The following CSRNP3 variants were observed in gnomAD, a reference collection of about 807,000 sequenced individuals.
CSRNP3 encodes the protein cysteine/serine-rich nuclear protein 3.
CSRNP3 carries 12 observed loss-of-function variants against 48.0 expected under a neutral mutation model. The observed-to-expected ratio is 0.25, with a 90% CI of 0.16 to 0.41. The LOEUF is 0.41. Among genes scored for constraint, CSRNP3 ranks in the 10% least tolerant of loss-of-function variants. The probability of loss-of-function intolerance (pLI) is 1.00; values close to 1 mark genes in which losing one functional copy is unlikely to be tolerated. For missense variants in CSRNP3, 580 were observed against 724.4 expected (o/e 0.80, Z 2.29); for synonymous variants, 263 against 269.7 (o/e 0.98, Z 0.24).
At chr2:165,556,795 T>C (rs1389506063) in intron 3 of CSRNP3, among the ~76,000 whole-genome samples, 1 of 152,138 alleles carries the variant, frequency 6.6e-6, no homozygotes, top group Non-Finnish European at 1.5e-5. Context: ...TGGAACAATA[T>C]CAATATAGCA....
intron 2 of CSRNP3, among the ~76,000 whole-genome samples, chr2:165,506,385 G>T (rs894857247): frequency 1.3e-5 from 2 of 152,076 alleles, no homozygotes; most frequent in Admixed American, 6.6e-5. Context: ...AAAACGGAGG[G>T]CAGGGGTAAG....
At chr2:165,481,743 A>T (rs1361795671) in intron 1 of CSRNP3, among the ~76,000 whole-genome samples, 1 of 152,136 alleles carries the variant, frequency 6.6e-6, no homozygotes, top group South Asian at 2.1e-4. Context: ...GGTAGGGAGT[A>T]TGGAAATTAG....
intron 5 of CSRNP3, among the ~76,000 whole-genome samples, chr2:165,672,685 A>G (rs1687350977): frequency 6.6e-6 from 1 of 152,164 alleles, no homozygotes; most frequent in African/African-American, 2.4e-5. Context: ...ATTTATTCAC[A>G]CTAGCTCTTG....
intron 4 of CSRNP3, among the ~76,000 whole-genome samples, chr2:165,655,970 C>T (rs949806626): frequency 6.6e-6 from 1 of 152,142 alleles, no homozygotes; most frequent in African/African-American, 2.4e-5. Context: ...CCGAGGTACT[C>T]GGGATTAGGA....
At chr2:165,634,219 A>G (rs188776757) in intron 4 of CSRNP3, among the ~76,000 whole-genome samples, 18 of 152,180 alleles carry the variant, frequency 1.2e-4, no homozygotes, top group African/African-American at 3.9e-4. Context: ...GTGTGCCTGT[A>G]ATCCCAGGTA....
chr2:165,492,338 A>G (rs993961369), intron 1 of CSRNP3, among the ~76,000 whole-genome samples: 4 of 152,140 alleles, frequency 2.6e-5, no homozygotes, highest in African/African-American at 9.7e-5. Context: ...CTTTCATCTC[A>G]CTTAGAGAAA....
At chr2:165,674,665 TATATAAATACTTCTGA>T (rs1199191581) in intron 5 of CSRNP3, among the ~76,000 whole-genome samples, 1 of 136,574 alleles carries the variant, frequency 7.3e-6, no homozygotes, top group African/African-American at 2.8e-5. Flanking sequence ...TATTCATATA[TATATAAATACTTCTGA>T]ATATATATAT....
chr2:165,659,206 A>C (rs1185597876), intron 5 of CSRNP3, among the ~76,000 whole-genome samples: 1 of 151,640 alleles, frequency 6.6e-6, no homozygotes, highest in South Asian at 2.1e-4. Context: ...TAGACCAGTT[A>C]GAAAGCTGTT....
Position 165,596,172 on chromosome 2 carries a change from A to G in CSRNP3, c.148+959A>G, listed in dbSNP as rs570205675. Among the ~76,000 whole-genome samples, 243 of 143,930 alleles carry G rather than the reference A, an allele frequency of 1.7e-3. 2 individuals carry two copies. The highest frequency in any genetic ancestry group is 5.9e-3 in the African/African-American group (228 of 38,332). The allele number at this position is 143,930 out of a possible 152,430, so 94.4% of individuals were successfully genotyped here. On this transcript the variant is annotated intron_variant, in intron 4 of 6. Transcript: ENST00000651982. The stretch of plus-strand genomic sequence containing the variant: ...TTTTTTTTTGCCACATTGTAATGTC[A>G]GCCCTTCTGTCAGACAAGATAAAGG...
At chr2:165,645,663 A>G (rs1686799265) in intron 4 of CSRNP3, among the ~76,000 whole-genome samples, 1 of 152,180 alleles carries the variant, frequency 6.6e-6, no homozygotes, top group African/African-American at 2.4e-5. Context: ...GAGGGTACAC[A>G]AATAAACCCA....
chr2:165,658,801 G>A (rs1684297651), intron 5 of CSRNP3, among the ~76,000 whole-genome samples: 2 of 152,092 alleles, frequency 1.3e-5, no homozygotes, highest in African/African-American at 2.4e-5. Context: ...CCATGAGAAC[G>A]CTATGGGGGA....
At position 165,651,936 on chromosome 2, in the gene CSRNP3, G is replaced by A. The variant is rs532268779; in HGVS notation, c.149-5825G>A. The stretch of plus-strand genomic sequence containing the variant: ...CTCTCAAAGTGCTGGGATTACAGGC[G>A]TGAGCCACTGCACCCGGCCTGAAAG... On this transcript the variant is annotated intron_variant, in intron 4 of 6. Coordinates refer to ENST00000651982, the MANE Select transcript of CSRNP3 (RefSeq NM_001172173.2). Among the ~76,000 whole-genome samples, 40 of 152,230 alleles carry A rather than the reference G, an allele frequency of 2.6e-4. 1 individual carries two copies. The South Asian group carries it at 4.2e-3, about 16-fold the overall frequency.
At chr2:165,631,800 A>G (rs1008015529) in intron 4 of CSRNP3, among the ~76,000 whole-genome samples, 1 of 152,236 alleles carries the variant, frequency 6.6e-6, no homozygotes, top group Non-Finnish European at 1.5e-5. Context: ...TTGGAAAACA[A>G]CTACTCTCAC....
At chr2:165,531,785 A>G (rs1415675144) in intron 3 of CSRNP3, among the ~76,000 whole-genome samples, 3 of 152,152 alleles carry the variant, frequency 2.0e-5, no homozygotes, top group African/African-American at 7.2e-5. Context: ...TTTTTTGAAA[A>G]GATCAACAAA....
chr2:165,663,835 C>A (rs1265178110), intron 5 of CSRNP3, among the ~76,000 whole-genome samples: 1 of 151,990 alleles, frequency 6.6e-6, no homozygotes, highest in Admixed American at 6.6e-5. Flanking sequence ...GCAAACATGA[C>A]AAATTAGATT....
At chr2:165,491,950 T>TAATAA (rs1553470304) in intron 1 of CSRNP3, among the ~76,000 whole-genome samples, 8 of 104,598 alleles carry the variant, frequency 7.6e-5, no homozygotes, top group Non-Finnish European at 1.2e-4. Context: ...TAAAGTATAA[T>TAATAA]AAAAAAAAAA....
intron 3 of CSRNP3, among the ~76,000 whole-genome samples, chr2:165,568,470 A>G (rs1023351040): frequency 1.3e-5 from 2 of 152,082 alleles, no homozygotes; most frequent in African/African-American, 4.8e-5. Flanking sequence ...CTTTTCCCAA[A>G]GTACCACTTA....
intron 4 of CSRNP3, among the ~76,000 whole-genome samples, chr2:165,600,870 A>G (rs1042500406): frequency 3.9e-5 from 6 of 152,196 alleles, no homozygotes; most frequent in Non-Finnish European, 7.3e-5. Flanking sequence ...GTAACATAAC[A>G]TTTTGTTGTC....
chr2:165,527,753 A>G lies in CSRNP3; in HGVS notation c.-24+9792A>G, dbSNP rs556271873. 2.0e-5 allele frequency among the ~76,000 whole-genome samples: 3 copies of G among 152,312 alleles called. No homozygotes were observed. The South Asian group carries it at 6.2e-4, about 32-fold the overall frequency. Reference sequence around the variant, plus strand: ...ATGGACAATCATAAACAACATAAAGAGATAAATGGCCAACTACTTAAAGTA... The same window carrying G: ...ATGGACAATCATAAACAACATAAAGGGATAAATGGCCAACTACTTAAAGTA... On this transcript the variant is annotated intron_variant, in intron 3 of 6. Coordinates refer to ENST00000651982, the MANE Select transcript of CSRNP3 (RefSeq NM_001172173.2).
Sources: allele counts gnomAD v4.1 joint callset (sites outside exome capture counted in the v4.1 genomes callset), GRCh38; gene constraint gnomAD v4.1.1; transcripts MANE v1.5; gene names NCBI Gene and HGNC (gene_info 2026-07-23, HGNC 2026-07-21).